Variants in ANKRD44 observed in about 807,000 individuals in gnomAD.
ANKRD44 encodes ankyrin repeat domain 44.
A neutral mutation model predicts 116.0 loss-of-function variants in ANKRD44; 35 were observed. The observed-to-expected ratio is 0.30, with a 90% CI of 0.23 to 0.40. The LOEUF (loss-of-function observed/expected upper bound fraction) is 0.40. ANKRD44 is among the 10% of genes least tolerant of loss of function. The pLI is 1.00. For missense variants in ANKRD44, 1,014 were observed against 1,242.6 expected (o/e 0.82, Z 2.77); for synonymous variants, 435 against 461.8 (o/e 0.94, Z 0.74).
At chr2:197,123,296 A>C (rs891977561) in intron 6 of ANKRD44, among the ~76,000 whole-genome samples, 1 of 152,272 alleles carries the variant, frequency 6.6e-6, no homozygotes, top group African/African-American at 2.4e-5. Context: ...ACCCACAAAA[A>C]TGGCAATTAC....
intron 1 of ANKRD44, among the ~76,000 whole-genome samples, chr2:197,205,080 A>G (rs1574269694): frequency 1.3e-5 from 2 of 152,358 alleles, no homozygotes; most frequent in Admixed American, 6.5e-5. Context: ...ACTAGGTCAA[A>G]AGCTCCCAAT....
At chr2:197,289,574 G>A (rs1288362910) in intron 1 of ANKRD44, among the ~76,000 whole-genome samples, 2 of 152,164 alleles carry the variant, frequency 1.3e-5, no homozygotes, top group African/African-American at 4.8e-5. Context: ...CACAAAACAT[G>A]AACGAATCTC....
chr2:197,021,485 T>C (rs1017240418), intron 17 of ANKRD44, among the ~76,000 whole-genome samples: 2 of 152,248 alleles, frequency 1.3e-5, no homozygotes, highest in Non-Finnish European at 2.9e-5. Context: ...TTTTTAATGA[T>C]CGCCATTCTA....
At chr2:197,257,039 A>C (rs1431378200) in intron 1 of ANKRD44, among the ~76,000 whole-genome samples, 1 of 152,236 alleles carries the variant, frequency 6.6e-6, no homozygotes, top group Non-Finnish European at 1.5e-5. Context: ...TCTTCAAAAA[A>C]AAAATGGAAG....
At chr2:197,083,850 C>A (rs1271807364) in intron 13 of ANKRD44, among the ~76,000 whole-genome samples, 1 of 152,142 alleles carries the variant, frequency 6.6e-6, no homozygotes, top group African/African-American at 2.4e-5. Flanking sequence ...GGGTGCTTAA[C>A]CTGTATAAAC....
chr2:197,093,330 A>G (rs1263085911), intron 10 of ANKRD44, among the ~76,000 whole-genome samples: 1 of 152,140 alleles, frequency 6.6e-6, no homozygotes, highest in African/African-American at 2.4e-5. Context: ...TATTCCATAA[A>G]CCTCATTATC....
At position 197,212,143 on chromosome 2, in the gene ANKRD44, G is replaced by A. The variant is rs2081342350; in HGVS notation, c.28-25037C>T. 6.6e-6 allele frequency among the ~76,000 whole-genome samples: 1 copy of A among 152,098 alleles called. No homozygotes were observed. Among genetic ancestry groups the A allele is most frequent in the African/African-American group, 2.4e-5 (1 of 41,430 alleles). ...GCTAGAGTTTTGGAACTGGAACAAG[G>A]AGGGACTTTCTGGTGGATCAAAGTA... On this transcript the variant is annotated intron_variant, in intron 1 of 27. Coordinates refer to ENST00000282272, the MANE Select transcript of ANKRD44 (RefSeq NM_001195144.2). The surrounding 1 kb of genome is among the most constrained non-coding windows in gnomAD (Gnocchi z 4.8).
intron 4 of ANKRD44, among the ~76,000 whole-genome samples, chr2:197,128,462 A>G (rs1045635582): frequency 5.9e-5 from 9 of 152,044 alleles, no homozygotes; most frequent in African/African-American, 2.2e-4. Flanking sequence ...CTGTTCATGT[A>G]CTTTGCCCAC....
chr2:197,299,279 A>C (rs2083821994), intron 1 of ANKRD44, among the ~76,000 whole-genome samples: 1 of 152,150 alleles, frequency 6.6e-6, no homozygotes, highest in Non-Finnish European at 1.5e-5. Flanking sequence ...TTATTTAACA[A>C]ATATGTATAA....
At chr2:197,142,594 C>T (rs2079393465) in intron 3 of ANKRD44, among the ~76,000 whole-genome samples, 1 of 152,146 alleles carries the variant, frequency 6.6e-6, no homozygotes, top group South Asian at 2.1e-4. Context: ...TTTACACACC[C>T]ACCAGAAAAT....
rs570221403 is a variant in ANKRD44 at position 197,081,647 on chromosome 2, T to C, written c.1536A>G (p.Thr512=). Residue 512 remains threonine, a splice_region_variant and synonymous_variant, in exon 15 of 28, where the codon ACA becomes ACG. Coordinates refer to ENST00000282272, the MANE Select transcript of ANKRD44 (RefSeq NM_001195144.2). ...TCTTAAGCTGAGAAGAAACTTACAG[T>C]GTGGCTTCCTTTTCCTTCAGCTCCC... ...RARELKEKEA[T]LCLEFLLQND... is the part of the protein sequence containing the mutation. The C allele has an allele frequency of 8.1e-6, 13 of 1,613,522 alleles. No individual in the cohort carries two copies. In the East Asian group the frequency reaches 1.1e-4, roughly 14 times the overall value.
chr2:196,968,846 G>A (rs563254668), intron 21 of ANKRD44, among the ~76,000 whole-genome samples: 1 of 152,112 alleles, frequency 6.6e-6, no homozygotes, highest in Non-Finnish European at 1.5e-5. Context: ...CTTTCACGCA[G>A]GCCCCCCTGT....
chr2:197,091,511 T>C (rs1269736164), intron 10 of ANKRD44, among the ~76,000 whole-genome samples: 1 of 152,144 alleles, frequency 6.6e-6, no homozygotes, highest in Non-Finnish European at 1.5e-5. Context: ...CGCACATCAC[T>C]ATACCCAGCT....
At chr2:197,149,684 T>C (rs2079592264) in intron 2 of ANKRD44, among the ~76,000 whole-genome samples, 1 of 152,184 alleles carries the variant, frequency 6.6e-6, no homozygotes, top group African/African-American at 2.4e-5. Context: ...ACCAACATAA[T>C]AGTGCATTTC....
At chr2:197,130,614 T>C (rs139637309) in intron 4 of ANKRD44, among the ~76,000 whole-genome samples, 346 of 152,354 alleles carry the variant, frequency 2.3e-3, no homozygotes, top group African/African-American at 7.7e-3. Flanking sequence ...GTCTACATTC[T>C]AATAGATTAT....
chr2:197,102,952 G>A (rs1349261854), intron 9 of ANKRD44, among the ~76,000 whole-genome samples: 1 of 151,996 alleles, frequency 6.6e-6, no homozygotes, highest in Admixed American at 6.6e-5. Flanking sequence ...GGGGGTGGCG[G>A]GGCGTGGTGG....
chr2:196,983,162 C>T (rs1210179616), downstream of ANKRD44, among the ~76,000 whole-genome samples: 1 of 151,766 alleles, frequency 6.6e-6, no homozygotes, highest in East Asian at 1.9e-4. Context: ...TCTGTATGTT[C>T]TGCACATGTA....
At chr2:197,063,198 G>A (rs1402768310) in intron 16 of ANKRD44, among the ~76,000 whole-genome samples, 2 of 152,306 alleles carry the variant, frequency 1.3e-5, no homozygotes, top group African/African-American at 2.4e-5. Flanking sequence ...AACAGGGGCT[G>A]GAGTGGACCT....
chr2:197,057,667 G>A (rs1342570339), intron 16 of ANKRD44, among the ~76,000 whole-genome samples: 1 of 152,228 alleles, frequency 6.6e-6, no homozygotes, highest in East Asian at 1.9e-4. Flanking sequence ...ACAAGCCTGG[G>A]CAATACAGCA....
Sources: allele counts gnomAD v4.1 joint callset (sites outside exome capture counted in the v4.1 genomes callset), GRCh38; gene constraint gnomAD v4.1.1; non-coding constraint Gnocchi (gnomAD v3.1); transcripts MANE v1.5; gene names NCBI Gene and HGNC (gene_info 2026-07-23, HGNC 2026-07-21).